ZFPM2: variants seen among roughly 807,000 people sequenced by gnomAD.
ZFPM2 encodes the protein zinc finger protein, FOG family member 2.
In ZFPM2, 20 loss-of-function variants were observed where a neutral mutation model predicts 98.6. The observed-to-expected ratio is 0.20, with a 90% CI of 0.14 to 0.29. ZFPM2 has a LOEUF of 0.29. Ranked by LOEUF, ZFPM2 falls within the 10% of genes least tolerant of loss-of-function variation. ZFPM2 has a pLI of 1.00. For synonymous variants in ZFPM2, 518 were observed against 502.7 expected, an observed-to-expected ratio of 1.03 and a Z score of -0.41; for missense variants, 1,310 against 1,388.6, an observed-to-expected ratio of 0.94 and a Z score of 0.90.
intron 5 of ZFPM2, among the ~76,000 whole-genome samples, chr8:105,651,868 A>G (rs1454472866): frequency 6.6e-6 from 1 of 152,218 alleles, no homozygotes; most frequent in African/African-American, 2.4e-5. Context: ...TTGAAAATCC[A>G]GTACCCACAA....
intron 1 of ZFPM2, among the ~76,000 whole-genome samples, chr8:105,336,688 CCA>C (rs139930523): frequency 0.24 from 34,394 of 142,054 alleles, 4,341 homozygotes; most frequent in East Asian, 0.42. Context: ...GTAATATACT[CCA>C]CACACACACA....
At chr8:105,319,972 AAAG>A (rs1656665755) in intron 1 of ZFPM2, among the ~76,000 whole-genome samples, 3 of 152,298 alleles carry the variant, frequency 2.0e-5, no homozygotes, top group Admixed American at 1.3e-4. Context: ...CTTTGGCCGA[AAAG>A]AAGAAAAAAC....
chr8:105,350,759 C>T (rs1812625344), intron 1 of ZFPM2, among the ~76,000 whole-genome samples: 2 of 152,154 alleles, frequency 1.3e-5, no homozygotes, highest in South Asian at 4.1e-4. Flanking sequence ...ACAAAAGTGT[C>T]ATACCTTCCC....
At chr8:105,404,033 A>G (rs1168015194) in intron 1 of ZFPM2, among the ~76,000 whole-genome samples, 4 of 151,296 alleles carry the variant, frequency 2.6e-5, no homozygotes, top group African/African-American at 7.3e-5. Context: ...AACAACAACA[A>G]CAACAACAAC....
chr8:105,410,614 T>C (rs1811557820), intron 1 of ZFPM2, among the ~76,000 whole-genome samples: 1 of 151,972 alleles, frequency 6.6e-6, no homozygotes, highest in Non-Finnish European at 1.5e-5. Context: ...TAGGGTATTA[T>C]ACACTAATTT....
chr8:105,592,277 G>A (rs891519990), intron 4 of ZFPM2, among the ~76,000 whole-genome samples: 1 of 151,900 alleles, frequency 6.6e-6, no homozygotes, highest in Non-Finnish European at 1.5e-5. Flanking sequence ...TGTCTGAAAT[G>A]TAAAAATATA....
At chr8:105,710,305 G>A (rs1811353696) in intron 5 of ZFPM2, among the ~76,000 whole-genome samples, 1 of 151,984 alleles carries the variant, frequency 6.6e-6, no homozygotes, top group African/African-American at 2.4e-5. Flanking sequence ...CTCAGATATT[G>A]AAGATAGTAG....
At chr8:105,487,948 A>ATCTATCTATCTG (rs1212803220) in intron 3 of ZFPM2, among the ~76,000 whole-genome samples, 17 of 134,302 alleles carry the variant, frequency 1.3e-4, no homozygotes, top group African/African-American at 4.6e-4. Flanking sequence ...CTAGCTAGCT[A>ATCTATCTATCTG]GCTATCTGTC....
At chr8:105,697,657 A>C (rs2130950855) in intron 5 of ZFPM2, among the ~76,000 whole-genome samples, 1 of 152,288 alleles carries the variant, frequency 6.6e-6, no homozygotes, top group South Asian at 2.1e-4. Flanking sequence ...TTTTCACGGA[A>C]TCCTAAAGTA....
chr8:105,497,137 C>T (rs181747443), intron 3 of ZFPM2, among the ~76,000 whole-genome samples: 501 of 152,072 alleles, frequency 3.3e-3, no homozygotes, highest in African/African-American at 7.2e-3. Context: ...AGGTGCCCAC[C>T]ACCATACCCA....
At chr8:105,670,025 C>T (rs1817559337) in intron 5 of ZFPM2, 1 of 152,184 alleles carries the variant, frequency 6.6e-6, no homozygotes, top group Admixed American at 6.5e-5. Context: ...GACAGCATGT[C>T]TCTAACAAAG....
intron 3 of ZFPM2, among the ~76,000 whole-genome samples, chr8:105,471,694 T>A (rs1563674604): frequency 6.6e-6 from 1 of 152,200 alleles, no homozygotes; most frequent in Non-Finnish European, 1.5e-5. Flanking sequence ...CCTCTCCAAA[T>A]CCAAATAGAA....
At chr8:105,469,020 C>T (rs1812846839) in intron 3 of ZFPM2, among the ~76,000 whole-genome samples, 1 of 150,590 alleles carries the variant, frequency 6.6e-6, no homozygotes, top group African/African-American at 2.5e-5. Context: ...AATTCAAATT[C>T]TCACTTGTCC....
rs1300114563 is a variant in ZFPM2 at position 105,392,088 on chromosome 8, C to T, written c.41-27056C>T. On this transcript the variant is annotated intron_variant, in intron 1 of 7. Transcript: ENST00000407775. ...GGATTTTTGTTACCAGGCATGAAAACAATATAGGTTTCCTTGTACATCTCC... is the reference window on the plus strand; with the variant it reads ...GGATTTTTGTTACCAGGCATGAAAATAATATAGGTTTCCTTGTACATCTCC... 3.9e-5 allele frequency among the ~76,000 whole-genome samples: 6 copies of T among 152,252 alleles called. No individual in the cohort carries two copies. The East Asian group carries it at 1.2e-3, about 29-fold the overall frequency.
chr8:105,490,513 G>C (rs947103858), intron 3 of ZFPM2, among the ~76,000 whole-genome samples: 1 of 152,088 alleles, frequency 6.6e-6, no homozygotes, highest in Admixed American at 6.6e-5. Context: ...AGCTATTGTT[G>C]CCTAAAACTT....
At chr8:105,593,807 T>A (rs2130769797) in intron 4 of ZFPM2, among the ~76,000 whole-genome samples, 1 of 151,466 alleles carries the variant, frequency 6.6e-6, no homozygotes, top group South Asian at 2.1e-4. Context: ...GCAAAAAAAA[T>A]TGTGATTTTT....
intron 4 of ZFPM2, among the ~76,000 whole-genome samples, chr8:105,598,203 C>T (rs552126761): frequency 6.6e-6 from 1 of 151,658 alleles, no homozygotes; most frequent in South Asian, 2.1e-4. Flanking sequence ...TGCAACAGGG[C>T]TTGCTTGCGC....
At chr8:105,682,986 C>T (rs1280721981) in intron 5 of ZFPM2, among the ~76,000 whole-genome samples, 1 of 151,974 alleles carries the variant, frequency 6.6e-6, no homozygotes, top group Non-Finnish European at 1.5e-5. Flanking sequence ...GCTGGGAAGT[C>T]CAAGATCAAG....
intron 5 of ZFPM2, among the ~76,000 whole-genome samples, chr8:105,695,100 CATT>C (rs1810984106): frequency 1.3e-5 from 2 of 152,102 alleles, no homozygotes; most frequent in African/African-American, 4.8e-5. Flanking sequence ...AGCATTGAAT[CATT>C]AGCCATATTG....
Sources: allele counts gnomAD v4.1 joint callset (sites outside exome capture counted in the v4.1 genomes callset), GRCh38; gene constraint gnomAD v4.1.1; transcripts MANE v1.5; gene names NCBI Gene and HGNC (gene_info 2026-07-23, HGNC 2026-07-21).